FOXRED1: variants seen among roughly 807,000 people sequenced by gnomAD.
The protein encoded by FOXRED1 is FAD-dependent oxidoreductase domain-containing protein 1.
A neutral mutation model predicts 57.8 loss-of-function variants in FOXRED1; 52 were observed. The observed-to-expected ratio is 0.90, with a 90% CI of 0.72 to 1.13. The LOEUF (loss-of-function observed/expected upper bound fraction) is 1.13, where lower values mean the gene tolerates loss of function less well. Among genes scored for constraint, FOXRED1 ranks in the 50% most tolerant of loss-of-function variants. The pLI is 0.00. For synonymous variants in FOXRED1, 271 were observed against 248.3 expected, an observed-to-expected ratio of 1.09 and a Z score of -0.86; for missense variants, 589 against 625.2, an observed-to-expected ratio of 0.94 and a Z score of 0.62.
rs368843227 is a variant in FOXRED1 at position 126,274,941 on chromosome 11, A to G, written c.551A>G (p.Lys184Arg). ...NVKVQRQEGA[K>R]VSLMSPDQLR... is the part of the protein sequence containing the mutation. ...GTTTATCTCAGGCAGGAGGGAGCCAAAGTTTCTCTGATGTCTCCTGATCAG... is the reference window on the plus strand; with the variant it reads ...GTTTATCTCAGGCAGGAGGGAGCCAGAGTTTCTCTGATGTCTCCTGATCAG... The change falls in exon 5 of 11, where the codon AAA (lysine) becomes AGA (arginine). Residue 184 changes from lysine to arginine, a missense_variant. Lys to Arg is a conservative substitution (Grantham distance 26). Transcript: ENST00000263578. The surrounding 1 kb of genome is among the most constrained non-coding windows in gnomAD (Gnocchi z 4.8). 54 of 1,612,022 alleles carry G rather than the reference A, an allele frequency of 3.3e-5. No homozygotes were observed. The highest frequency in any genetic ancestry group is 2.9e-4 in the East Asian group (13 of 44,876).
intron 9 of FOXRED1, 191 bp from the exon 10 acceptor site, chr11:126,276,876 CAAAA>C (rs202024738): frequency 4.0e-5 from 19 of 477,004 alleles, no homozygotes; most frequent in Non-Finnish European, 5.2e-5. Flanking sequence ...AACTCCATCT[CAAAA>C]AAAAAAAAAA....
rs149541931 is a variant in FOXRED1 at position 126,277,505 on chromosome 11, C to T, written c.1277C>T (p.Pro426Leu). Reference protein sequence around the residue: ...FDQNGVVGPHPLVVNMYFATG... With the variant: ...FDQNGVVGPHLLVVNMYFATG... ...CAGAATGGCGTGGTGGGCCCCCACCCGCTAGTTGTCAACATGTACTTTGCT... is the reference window on the plus strand; with the variant it reads ...CAGAATGGCGTGGTGGGCCCCCACCTGCTAGTTGTCAACATGTACTTTGCT... The change falls in exon 11 of 11, where the codon CCG (proline) becomes CTG (leucine). Residue 426 changes from proline to leucine, a missense_variant. Transcript: ENST00000263578. This position sits in a 1 kb window ranked among gnomAD's most constrained non-coding sequence, Gnocchi z 6.8. 5.6e-6 allele frequency: 9 copies of T among 1,613,484 alleles called. No homozygotes were observed. Among genetic ancestry groups the T allele is most frequent in the African/African-American group, 4.0e-5 (3 of 74,930 alleles).
rs200913680 is a variant in FOXRED1 at position 126,274,947 on chromosome 11, C to A, written c.557C>A (p.Ser186Tyr). The A allele has an allele frequency of 1.3e-5, 21 of 1,612,728 alleles. No individual in the cohort carries two copies. The highest frequency in any genetic ancestry group is 1.8e-5 in the Non-Finnish European group (21 of 1,178,826). ...CTCAGGCAGGAGGGAGCCAAAGTTT[C>A]TCTGATGTCTCCTGATCAGCTTCGG... ...KVQRQEGAKV[S>Y]LMSPDQLRNK... Residue 186 changes from serine (S) to tyrosine (Y), a missense_variant, in exon 5 of 11, where the codon TCT (serine) becomes TAT (tyrosine). By Grantham distance (144) the Ser-to-Tyr change is moderately radical. Transcript: ENST00000263578. The surrounding 1 kb of genome is among the most constrained non-coding windows in gnomAD (Gnocchi z 4.8).
intron 8 of FOXRED1, 84 bp downstream of exon 8, chr11:126,276,303 G>GA: frequency 7.2e-7 from 1 of 1,395,634 alleles, no homozygotes; most frequent in Non-Finnish European, 9.8e-7. Flanking sequence ...GTGTGTGTGT[G>GA]TGTGTGTGTG....
At chr11:126,269,488 A>G (rs938663711) in intron 1 of FOXRED1, 197 bp downstream of exon 1, 4 of 920,744 alleles carry the variant, frequency 4.3e-6, no homozygotes, top group African/African-American at 3.2e-5. Context: ...TTCAGGTGGC[A>G]GGTCTCACAT....
In FOXRED1 at chr11:126,275,716, C is replaced by T. The variant is rs530399357; in HGVS notation, c.734-78C>T. 6.8e-6 allele frequency: 7 copies of T among 1,024,502 alleles called. No homozygotes were observed. Among genetic ancestry groups the T allele is most frequent in the Middle Eastern group, 2.5e-4 (1 of 4,000 alleles). The allele number at this position is 1,024,502 out of a possible 1,614,324, so 63.5% of individuals were successfully genotyped here. On this transcript the variant is annotated intron_variant, in intron 6 of 10. Coordinates refer to ENST00000263578, the MANE Select transcript of FOXRED1 (RefSeq NM_017547.4). The surrounding 1 kb of genome is among the most constrained non-coding windows in gnomAD (Gnocchi z 5.9). ...AGCTCCCATCCTTCCAGCTTTCTTT[C>T]CTTAAGAAACCAGTGAAATCCCCAT...
At position 126,275,719 on chromosome 11, in the gene FOXRED1, T is replaced by C. The variant is rs745873461; in HGVS notation, c.734-75T>C. 13 of 1,059,322 alleles carry C rather than the reference T, an allele frequency of 1.2e-5. No homozygotes were observed. The highest frequency in any genetic ancestry group is 1.9e-5 in the Non-Finnish European group (13 of 683,538). The allele number at this position is 1,059,322 out of a possible 1,614,324, so 65.6% of individuals were successfully genotyped here. ...TCCCATCCTTCCAGCTTTCTTTCCT[T>C]AAGAAACCAGTGAAATCCCCATTTC... On this transcript the variant is annotated intron_variant, in intron 6 of 10. Coordinates refer to ENST00000263578, the MANE Select transcript of FOXRED1 (RefSeq NM_017547.4). The surrounding 1 kb of genome is among the most constrained non-coding windows in gnomAD (Gnocchi z 5.9).
chr11:126,273,309 C>T lies in FOXRED1; in HGVS notation c.418-27C>T, dbSNP rs375413966. The T allele has an allele frequency of 6.5e-7, 1 of 1,537,668 alleles. No homozygotes were observed. The highest frequency in any genetic ancestry group is 9.0e-7 in the Non-Finnish European group (1 of 1,110,424). ...CTTTCTGGCATCCTTAAGTCAGTTT[C>T]TTTCAGGAGCTTCTGTCTGCACACA... On this transcript the variant is annotated intron_variant, in intron 3 of 10. Coordinates refer to ENST00000263578, the MANE Select transcript of FOXRED1 (RefSeq NM_017547.4). The surrounding 1 kb of genome is among the most constrained non-coding windows in gnomAD (Gnocchi z 5.9).
chr11:126,270,108 T>C (rs1050013975), intron 1 of FOXRED1, among the ~76,000 whole-genome samples: 2 of 152,102 alleles, frequency 1.3e-5, no homozygotes, highest in African/African-American at 4.8e-5. Context: ...TGGAGGATGT[T>C]TACTGGCTTA....
Position 126,272,837 on chromosome 11 carries a change from G to T in FOXRED1, c.307-132G>T. The stretch of plus-strand genomic sequence containing the variant: ...TTGCCTTCAAGTTGACTTACACATG[G>T]GTCTTAGATTATAGACTTGCAAATA... On this transcript the variant is annotated intron_variant, in intron 2 of 10. Coordinates refer to ENST00000263578, the MANE Select transcript of FOXRED1 (RefSeq NM_017547.4). The surrounding 1 kb of genome is among the most constrained non-coding windows in gnomAD (Gnocchi z 4.6). 2.8e-6 allele frequency: 2 copies of T among 710,692 alleles called. No homozygotes were observed. Among genetic ancestry groups the T allele is most frequent in the Non-Finnish European group, 5.2e-6 (2 of 385,640 alleles). 44.0% of individuals were successfully genotyped at this position (710,692 alleles called of 1,614,324 possible). A position where few individuals can be genotyped will look rare whatever the true frequency, so the allele number is the denominator to read the frequency against.
Position 126,274,844 on chromosome 11 carries a change from C to T in FOXRED1, c.537-83C>T. The T allele has an allele frequency of 1.2e-6, 1 of 841,304 alleles. No homozygotes were observed. The highest frequency in any genetic ancestry group is 2.1e-6 in the Non-Finnish European group (1 of 474,322). The allele number at this position is 841,304 out of a possible 1,614,324, so 52.1% of individuals were successfully genotyped here. On this transcript the variant is annotated intron_variant, in intron 4 of 10. Coordinates refer to ENST00000263578, the MANE Select transcript of FOXRED1 (RefSeq NM_017547.4). The surrounding 1 kb of genome is among the most constrained non-coding windows in gnomAD (Gnocchi z 4.8). ...TGACATGACTGAGCTGGACTCCCCA[C>T]TTGTGGAGTTGGGGTCCATACATCA... is the stretch of plus-strand genomic sequence containing the variant.
chr11:126,270,179 C>T (rs777874111), intron 1 of FOXRED1, among the ~76,000 whole-genome samples: 1 of 152,002 alleles, frequency 6.6e-6, no homozygotes, highest in African/African-American at 2.4e-5. Flanking sequence ...AAATATTGTT[C>T]TTATGCAAGG....
Position 126,277,789 on chromosome 11 carries a change from C to T in FOXRED1, c.*100C>T, listed in dbSNP as rs2135271563. ...TCCCCAGTACTGTGCCAGGCCTTCT[C>T]CCCCTCCCCAGTGTCCTCTCCTCTC... On this transcript the variant is annotated 3_prime_UTR_variant, in exon 11 of 11. Transcript: ENST00000263578. The surrounding 1 kb of genome is among the most constrained non-coding windows in gnomAD (Gnocchi z 6.8). 4 of 1,329,312 alleles carry T rather than the reference C, an allele frequency of 3.0e-6. No homozygotes were observed. The highest frequency in any genetic ancestry group is 4.3e-6 in the Non-Finnish European group (4 of 929,096). The allele number at this position is 1,329,312 out of a possible 1,614,324, so 82.3% of individuals were successfully genotyped here.
Position 126,277,976 on chromosome 11 carries a change from T to G in FOXRED1, c.*287T>G. 1 of 616,332 alleles carries G rather than the reference T, an allele frequency of 1.6e-6. No homozygotes were observed. The highest frequency in any genetic ancestry group is 3.4e-5 in the East Asian group (1 of 29,510). The allele number at this position is 616,332 out of a possible 1,614,324, so 38.2% of individuals were successfully genotyped here. On this transcript the variant is annotated 3_prime_UTR_variant, in exon 11 of 11. Coordinates refer to ENST00000263578, the MANE Select transcript of FOXRED1 (RefSeq NM_017547.4). This position sits in a 1 kb window ranked among gnomAD's most constrained non-coding sequence, Gnocchi z 6.8. ...CTGAGCACCCTGGCCCAGGACTGGC[T>G]TCATCCTGGCACTGACCAGGAAAGA...
chr11:126,274,389 C>T lies in FOXRED1; in HGVS notation c.537-538C>T, dbSNP rs188719369. ...ATAGGCTGGGTGCAGTGTCTCATGCCTGTAATCCCAGCATTTTGGGAGGCC... is the reference window on the plus strand; with the variant it reads ...ATAGGCTGGGTGCAGTGTCTCATGCTTGTAATCCCAGCATTTTGGGAGGCC... On this transcript the variant is annotated intron_variant, in intron 4 of 10. Coordinates refer to ENST00000263578, the MANE Select transcript of FOXRED1 (RefSeq NM_017547.4). The surrounding 1 kb of genome is among the most constrained non-coding windows in gnomAD (Gnocchi z 4.8). 93 of 195,284 alleles carry T rather than the reference C, an allele frequency of 4.8e-4. No individual in the cohort carries two copies. Among genetic ancestry groups the T allele is most frequent in the African/African-American group, 2.1e-3 (91 of 43,000 alleles). The allele number at this position is 195,284 out of a possible 1,614,324, so 12.1% of individuals were successfully genotyped here.
Position 126,269,187 on chromosome 11 carries a change from G to A in FOXRED1, c.-20G>A. ...CGAGGCAGCAGTGCAGCTTTCAGAG[G>A]GTCCGGGCTCAGAGGGGTTATGATT... On this transcript the variant is annotated 5_prime_UTR_variant, in exon 1 of 11. Coordinates refer to ENST00000263578, the MANE Select transcript of FOXRED1 (RefSeq NM_017547.4). 1 of 1,588,204 alleles carries A rather than the reference G, an allele frequency of 6.3e-7. No homozygotes were observed. The highest frequency in any genetic ancestry group is 8.6e-7 in the Non-Finnish European group (1 of 1,157,284).
Position 126,271,723 on chromosome 11 carries a change from C to A in FOXRED1, c.306+66C>A. The stretch of plus-strand genomic sequence containing the variant: ...AAGATGACTCATTTTATTAAGGACT[C>A]TAGCGACAAGGGAAGGAGAGGAGGG... On this transcript the variant is annotated intron_variant, in intron 2 of 10. Transcript: ENST00000263578. This position sits in a 1 kb window ranked among gnomAD's most constrained non-coding sequence, Gnocchi z 5.3. 2.3e-6 allele frequency: 3 copies of A among 1,305,548 alleles called. No homozygotes were observed. Among genetic ancestry groups the A allele is most frequent in the Non-Finnish European group, 3.3e-6 (3 of 905,542 alleles). The allele number at this position is 1,305,548 out of a possible 1,614,324, so 80.9% of individuals were successfully genotyped here.
Position 126,273,461 on chromosome 11 carries a change from G to T in FOXRED1, c.536+7G>T, listed in dbSNP as rs1182382421. On this transcript the variant is annotated splice_region_variant and intron_variant, in intron 4 of 10. Coordinates refer to ENST00000263578, the MANE Select transcript of FOXRED1 (RefSeq NM_017547.4). This position sits in a 1 kb window ranked among gnomAD's most constrained non-coding sequence, Gnocchi z 5.9. ...GCAACGTGAAAGTGCAGAGGTGGGT[G>T]CCTGGCACAGCCTCTTAGCTGCTTG... 6.4e-7 allele frequency: 1 copy of T among 1,561,982 alleles called. No individual in the cohort carries two copies. Among genetic ancestry groups the T allele is most frequent in the East Asian group, 2.2e-5 (1 of 44,664 alleles).
At position 126,275,404 on chromosome 11, in the gene FOXRED1, CT is replaced by C; in HGVS notation, c.713del (p.Phe238SerfsTer6). ...GCGAAAGGTCCAGTCCTTGGGAGTC[CT>C]TTTCTGCCAGGGAGAGGTGACACGT... ...LRRKVQSLGV[L>X]FCQGEVTRFV... On this transcript the variant is annotated frameshift_variant, in exon 6 of 11. Coordinates refer to ENST00000263578, the MANE Select transcript of FOXRED1 (RefSeq NM_017547.4). LOFTEE classifies it high-confidence loss of function. The surrounding 1 kb of genome is among the most constrained non-coding windows in gnomAD (Gnocchi z 5.9). 6.2e-7 allele frequency: 1 copy of C among 1,613,316 alleles called. No homozygotes were observed. The highest frequency in any genetic ancestry group is 8.5e-7 in the Non-Finnish European group (1 of 1,179,310).
Sources: gnomAD v4.1 joint callset for allele counts (sites outside exome capture counted in the v4.1 genomes callset) on GRCh38, gnomAD v4.1.1 for gene constraint, Gnocchi (gnomAD v3.1) non-coding constraint, MANE v1.5 for transcripts, NCBI Gene and HGNC (gene_info 2026-07-23, HGNC 2026-07-21) for gene names.